Variants in SEMA5A observed in about 807,000 individuals in gnomAD.
SEMA5A encodes semaphorin-5A.
Under a neutral mutation model 135.5 loss-of-function variants are expected in SEMA5A, and 55 were observed. The ratio of observed to expected loss-of-function variants is 0.41; its 90% confidence interval spans 0.33 to 0.51. The LOEUF is 0.51. Among genes scored for constraint, SEMA5A ranks in the 20% least tolerant of loss-of-function variants. The pLI is 0.37. For missense variants in SEMA5A, 1,290 were observed against 1,419.9 expected, an observed-to-expected ratio of 0.91 and a Z score of 1.47; for synonymous variants, 580 against 546.5, an observed-to-expected ratio of 1.06 and a Z score of -0.85.
chr5:9,084,476 G>A (rs1390371944), intron 16 of SEMA5A, among the ~76,000 whole-genome samples: 1 of 152,142 alleles, frequency 6.6e-6, no homozygotes, highest in African/African-American at 2.4e-5. Flanking sequence ...ATGAGGGCAG[G>A]TTTTTCCCTT....
chr5:9,087,568 T>G (rs1738767902), intron 16 of SEMA5A, among the ~76,000 whole-genome samples: 2 of 151,546 alleles, frequency 1.3e-5, no homozygotes, highest in African/African-American at 4.8e-5. Flanking sequence ...TTATATTTAT[T>G]TTTCCTAATG....
At chr5:9,183,616 G>A (rs967512480) in intron 11 of SEMA5A, among the ~76,000 whole-genome samples, 1 of 152,188 alleles carries the variant, frequency 6.6e-6, no homozygotes, top group Non-Finnish European at 1.5e-5. Flanking sequence ...ACCTGCGGTT[G>A]AACTTACGAC....
chr5:9,338,774 C>T (rs144497663), intron 3 of SEMA5A, among the ~76,000 whole-genome samples: 129 of 152,256 alleles, frequency 8.5e-4, no homozygotes, highest in African/African-American at 3.0e-3. Context: ...GAAAGAATCT[C>T]CTCCAACAAA....
chr5:9,070,714 C>G (rs1346172667), intron 16 of SEMA5A, among the ~76,000 whole-genome samples: 1 of 152,206 alleles, frequency 6.6e-6, no homozygotes, highest in African/African-American at 2.4e-5. Context: ...CCTCCAACAA[C>G]AGTCTGTTCT....
intron 11 of SEMA5A, among the ~76,000 whole-genome samples, chr5:9,166,475 CGTTGTATAAGA>C (rs1190010902): frequency 6.6e-6 from 1 of 152,148 alleles, no homozygotes; most frequent in Non-Finnish European, 1.5e-5. Context: ...ACACAGGACA[CGTTGTATAAGA>C]GTTTGCTGCT....
At chr5:9,116,402 G>C (rs1297147945) in intron 15 of SEMA5A, among the ~76,000 whole-genome samples, 1 of 152,124 alleles carries the variant, frequency 6.6e-6, no homozygotes, top group African/African-American at 2.4e-5. Context: ...CTCAGTTCCT[G>C]CTACTCCAGA....
At chr5:9,174,766 A>G (rs540499779) in intron 11 of SEMA5A, among the ~76,000 whole-genome samples, 1 of 152,378 alleles carries the variant, frequency 6.6e-6, no homozygotes, top group South Asian at 2.1e-4. Flanking sequence ...GACTTCTATG[A>G]TTAGCTGTGC....
chr5:9,107,477 A>G (rs925143357), intron 16 of SEMA5A, among the ~76,000 whole-genome samples: 1 of 152,078 alleles, frequency 6.6e-6, no homozygotes, highest in African/African-American at 2.4e-5. Flanking sequence ...TTCATCCCAC[A>G]ATGTTCTATA....
At chr5:9,364,007 C>A (rs1412738811) in intron 3 of SEMA5A, among the ~76,000 whole-genome samples, 1 of 152,098 alleles carries the variant, frequency 6.6e-6, no homozygotes. Flanking sequence ...CTGAAGAAAC[C>A]TGGGGTGCTC....
chr5:9,484,689 A>G (rs564661419), intron 1 of SEMA5A, among the ~76,000 whole-genome samples: 27 of 152,334 alleles, frequency 1.8e-4, no homozygotes, highest in South Asian at 1.5e-3. Flanking sequence ...TGAAGGTGTA[A>G]TTAAGAAATG....
chr5:9,339,608 T>C (rs1221892975), intron 3 of SEMA5A, among the ~76,000 whole-genome samples: 3 of 150,578 alleles, frequency 2.0e-5, no homozygotes, highest in Non-Finnish European at 3.0e-5. Context: ...AGAAAGGAAA[T>C]AAGAAAAAGA....
chr5:9,325,260 G>A (rs1477347584), intron 4 of SEMA5A, among the ~76,000 whole-genome samples: 1 of 148,796 alleles, frequency 6.7e-6, no homozygotes, highest in Non-Finnish European at 1.5e-5. Context: ...TTTCTCAAAT[G>A]CCATGGAATA....
In SEMA5A at chr5:9,409,277, C is replaced by T. The variant is rs944658649; in HGVS notation, c.-78+28479G>A. Among the ~76,000 whole-genome samples the T allele has an allele frequency of 2.6e-5, 4 of 152,198 alleles. 1 individual carries two copies. Among genetic ancestry groups the T allele is most frequent in the Admixed American group, 1.3e-4 (2 of 15,276 alleles). On this transcript the variant is annotated intron_variant, in intron 2 of 22. Coordinates refer to ENST00000382496, the MANE Select transcript of SEMA5A (RefSeq NM_003966.3). ...CAAAAGATAATCATTCACCCAAACACGCCTCTTGCTAAATCTTCAGAGTCT... is the reference window on the plus strand; with the variant it reads ...CAAAAGATAATCATTCACCCAAACATGCCTCTTGCTAAATCTTCAGAGTCT...
intron 5 of SEMA5A, chr5:9,265,366 C>T (rs1749629085): frequency 8.8e-6 from 4 of 452,104 alleles, no homozygotes; most frequent in South Asian, 6.2e-5. Flanking sequence ...GCTTCAGCTC[C>T]CTACCAGACC....
chr5:9,486,206 T>G (rs769699256), intron 1 of SEMA5A, among the ~76,000 whole-genome samples: 1 of 151,658 alleles, frequency 6.6e-6, no homozygotes, highest in Non-Finnish European at 1.5e-5. Context: ...TACTCATAAG[T>G]GGGAGGTGAA....
At chr5:9,424,650 A>T (rs1757581126) in intron 2 of SEMA5A, among the ~76,000 whole-genome samples, 1 of 151,964 alleles carries the variant, frequency 6.6e-6, no homozygotes. Flanking sequence ...TTTCCCTCCA[A>T]CCCCTATACC....
intron 3 of SEMA5A, among the ~76,000 whole-genome samples, chr5:9,339,057 T>A (rs988093008): frequency 5.3e-5 from 8 of 152,194 alleles, no homozygotes; most frequent in South Asian, 4.1e-4. Flanking sequence ...TTGATTTTTT[T>A]AAGGATTTTC....
intron 3 of SEMA5A, among the ~76,000 whole-genome samples, chr5:9,355,157 G>C (rs1754384075): frequency 6.6e-6 from 1 of 152,166 alleles, no homozygotes; most frequent in Non-Finnish European, 1.5e-5. Context: ...GACAAGAGTG[G>C]GTGTGGCTGG....
At chr5:9,220,541 A>G (rs1175843861) in intron 8 of SEMA5A, among the ~76,000 whole-genome samples, 1 of 152,202 alleles carries the variant, frequency 6.6e-6, no homozygotes, top group Non-Finnish European at 1.5e-5. Context: ...GAAATAGAAA[A>G]CTAAGAAAAA....
Sources: gnomAD v4.1 joint callset for allele counts (sites outside exome capture counted in the v4.1 genomes callset) on GRCh38, gnomAD v4.1.1 for gene constraint, MANE v1.5 for transcripts, NCBI Gene and HGNC (gene_info 2026-07-23, HGNC 2026-07-21) for gene names.